The following AP4E1 variants were observed in gnomAD, a reference collection of about 807,000 sequenced individuals.
The protein encoded by AP4E1 is adaptor related protein complex 4 subunit epsilon 1.
In AP4E1, 56 loss-of-function variants were observed where a neutral mutation model predicts 128.2. The ratio of observed to expected loss-of-function variants is 0.44; its 90% CI spans 0.35 to 0.55. The LOEUF is 0.55. Ranked by LOEUF, AP4E1 falls within the 20% of genes least tolerant of loss-of-function variation. The pLI, the probability that AP4E1 is intolerant of heterozygous loss-of-function variation, is 0.00. For synonymous variants in AP4E1, 484 were observed against 473.1 expected (o/e 1.02, Z -0.30); for missense variants, 1,324 against 1,307.7 (o/e 1.01, Z -0.19).
chr15:50,925,311 G>A, intron 5 of AP4E1, 92 bp downstream of exon 5: 1 of 1,339,240 alleles, frequency 7.5e-7, no homozygotes, highest in Admixed American at 1.9e-5. Flanking sequence ...AGTGCTACCA[G>A]GATAGAGATT....
chr15:50,933,138 C>T (rs1425136524), intron 7 of AP4E1, among the ~76,000 whole-genome samples: 3 of 152,056 alleles, frequency 2.0e-5, no homozygotes, highest in East Asian at 1.9e-4. Flanking sequence ...GTAAGCTAGT[C>T]CTTACCTTCA....
Position 50,989,817 on chromosome 15 carries a change from G to C in AP4E1, c.2091-3553G>C, listed in dbSNP as rs371815686. Among the ~76,000 whole-genome samples the C allele has an allele frequency of 3.3e-5, 5 of 152,194 alleles. No homozygotes were observed. In the East Asian group the frequency reaches 7.7e-4, roughly 23 times the overall value. The stretch of plus-strand genomic sequence containing the variant: ...CAGAGAAATGACATTTGGCAAAACT[G>C]CTAAGGAATTATATAATATATCCTG... On this transcript the variant is annotated intron_variant, in intron 16 of 20. Coordinates refer to ENST00000261842, the MANE Select transcript of AP4E1 (RefSeq NM_007347.5).
intron 15 of AP4E1, among the ~76,000 whole-genome samples, chr15:50,983,182 G>A (rs576605099): frequency 6.6e-6 from 1 of 152,210 alleles, no homozygotes; most frequent in Admixed American, 6.5e-5. Flanking sequence ...AAAAACCCAA[G>A]TTTCACCTTT....
At chr15:50,976,097 C>CA (rs34632792) in intron 15 of AP4E1, among the ~76,000 whole-genome samples, 29,579 of 151,212 alleles carry the variant, frequency 0.2, 2,880 homozygotes, top group South Asian at 0.23. Context: ...AGAGCCACCA[C>CA]AAAAAAAAGA....
At position 50,930,827 on chromosome 15, in the gene AP4E1, A is replaced by T. The variant is rs1363722969; in HGVS notation, c.725A>T (p.Asp242Val). Reference protein sequence around the residue: ...MIKENSSGYKDLTGSFVTILK... With the variant: ...MIKENSSGYKVLTGSFVTILK... ...TAGGAGAATTCATCTGGATATAAAG[A>T]CTTGACTGGGAGTTTTGTAACCATT... is the stretch of plus-strand genomic sequence containing the variant. The change falls in exon 7 of 21, where the codon GAC becomes GTC. Residue 242 changes from aspartate (D) to valine (V), a missense_variant. Coordinates refer to ENST00000261842, the MANE Select transcript of AP4E1 (RefSeq NM_007347.5). The T allele has an allele frequency of 6.2e-7, 1 of 1,614,150 alleles. No individual in the cohort carries two copies. The highest frequency in any genetic ancestry group is 1.1e-5 in the South Asian group (1 of 91,076).
chr15:50,967,454 G>T (rs960064012), intron 14 of AP4E1, among the ~76,000 whole-genome samples: 4 of 152,210 alleles, frequency 2.6e-5, no homozygotes, highest in Non-Finnish European at 5.9e-5. Context: ...AGGAATGTTG[G>T]CAGTCTCTAA....
In AP4E1 at chr15:50,958,567, A is replaced by T. The variant is rs542940704; in HGVS notation, c.1624A>T (p.Met542Leu). ...TATAGCTAAGCTCTACAAGTTACTT[A>T]TGAATGACTCTGTGTCTTCAGAAAC... Reference protein sequence around the residue: ...EVIAKLYKLLMNDSVSSETKA... With the variant: ...EVIAKLYKLLLNDSVSSETKA... The change falls in exon 14 of 21, where the codon ATG becomes TTG. Residue 542 changes from methionine (M) to leucine (L), a missense_variant. Coordinates refer to ENST00000261842, the MANE Select transcript of AP4E1 (RefSeq NM_007347.5). The T allele has an allele frequency of 3.7e-6, 6 of 1,614,002 alleles. No individual in the cohort carries two copies. In the African/African-American group the frequency reaches 6.7e-5, roughly 18 times the overall value.
chr15:50,923,537 G>GT (rs149905807), intron 3 of AP4E1, among the ~76,000 whole-genome samples: 72 of 151,886 alleles, frequency 4.7e-4, no homozygotes, highest in Middle Eastern at 6.8e-3. Flanking sequence ...AGTGATTAGG[G>GT]TTTTTTTTAT....
intron 10 of AP4E1, chr15:50,945,210 C>G: frequency 1.2e-6 from 1 of 816,848 alleles, no homozygotes; most frequent in Non-Finnish European, 2.2e-6. Context: ...TTGGGATGAA[C>G]AAAGAACTAA....
chr15:50,985,139 A>G (rs1401230678), intron 16 of AP4E1, among the ~76,000 whole-genome samples: 2 of 151,724 alleles, frequency 1.3e-5, no homozygotes, highest in African/African-American at 4.8e-5. Flanking sequence ...TCCTTCACCC[A>G]CTTTTTGATG....
At chr15:50,978,698 T>A (rs1339258873) in intron 15 of AP4E1, among the ~76,000 whole-genome samples, 1 of 152,218 alleles carries the variant, frequency 6.6e-6, no homozygotes, top group African/African-American at 2.4e-5. Context: ...TCATTCTTCA[T>A]CTGGCTAAAT....
At chr15:50,947,521 A>C (rs1173118229) in intron 10 of AP4E1, among the ~76,000 whole-genome samples, 1 of 152,160 alleles carries the variant, frequency 6.6e-6, no homozygotes, top group African/African-American at 2.4e-5. Context: ...GTCCATCCAA[A>C]CAAAACCTGA....
chr15:50,950,325 TG>T (rs1221348061), intron 13 of AP4E1, among the ~76,000 whole-genome samples, 156 bp downstream of exon 13: 2 of 152,238 alleles, frequency 1.3e-5, no homozygotes, highest in African/African-American at 4.8e-5. Context: ...CTATTTACTT[TG>T]TTTTTTCTCT....
In AP4E1 at chr15:50,925,234, T is replaced by A. The variant is rs748477356; in HGVS notation, c.542+15T>A. 6.8e-6 allele frequency: 11 copies of A among 1,610,168 alleles called. No individual in the cohort carries two copies. In the Admixed American group the frequency reaches 1.8e-4, roughly 27 times the overall value. ...CAACATTCTAAGTAAGTAAATTCTT[T>A]TGGGATAGGCATCTATGCCATATAT... On this transcript the variant is annotated intron_variant, in intron 5 of 20. Transcript: ENST00000261842.
At chr15:50,968,468 T>G (rs1342816894) in intron 15 of AP4E1, 91 bp downstream of exon 15, 1 of 942,692 alleles carries the variant, frequency 1.1e-6, no homozygotes, top group Non-Finnish European at 1.6e-6. Flanking sequence ...AGATATTTAC[T>G]TTCTATTATT....
Position 51,002,893 on chromosome 15 carries a change from C to G in AP4E1, c.*231C>G. ...TAGGTCCCTCAAAAAGTGACCTAAG[C>G]TAATGTTATAAACTGCTAATGATTT... On this transcript the variant is annotated 3_prime_UTR_variant, in exon 21 of 21. Coordinates refer to ENST00000261842, the MANE Select transcript of AP4E1 (RefSeq NM_007347.5). The G allele has an allele frequency of 1.9e-6, 1 of 513,004 alleles. No individual in the cohort carries two copies. The highest frequency in any genetic ancestry group is 3.7e-5 in the East Asian group (1 of 27,202). The allele number at this position is 513,004 out of a possible 1,614,324, so 31.8% of individuals were successfully genotyped here. A position where few individuals can be genotyped will look rare whatever the true frequency, so the allele number is the denominator to read the frequency against.
intron 11 of AP4E1, among the ~76,000 whole-genome samples, chr15:50,949,097 G>C (rs899654791): frequency 6.6e-6 from 1 of 152,038 alleles, no homozygotes; most frequent in African/African-American, 2.4e-5. Flanking sequence ...CTGGCCAGCA[G>C]AATGATAGAA....
rs377092527 is a variant in AP4E1, at chr15:50,996,092, A to G, written c.2347-1234A>G. Among the ~76,000 whole-genome samples the G allele has an allele frequency of 6.1e-5, 9 of 148,286 alleles. No individual in the cohort carries two copies. In the East Asian group the frequency reaches 1.2e-3, roughly 20 times the overall value. On this transcript the variant is annotated intron_variant, in intron 17 of 20. Transcript: ENST00000261842. Reference sequence around the variant, plus strand: ...CAACCTCTGCCTCCCAAGTTCAAGCAATTCTCCTGCCTCAGTCTCCCGAGT... The same window carrying G: ...CAACCTCTGCCTCCCAAGTTCAAGCGATTCTCCTGCCTCAGTCTCCCGAGT...
chr15:50,950,747 C>G (rs1323781514), intron 13 of AP4E1, among the ~76,000 whole-genome samples: 1 of 152,112 alleles, frequency 6.6e-6, no homozygotes, highest in Non-Finnish European at 1.5e-5. Flanking sequence ...TACACAATAG[C>G]TCTTCTTCCT....
Sources: allele counts gnomAD v4.1 joint callset (sites outside exome capture counted in the v4.1 genomes callset), GRCh38; gene constraint gnomAD v4.1.1; transcripts MANE v1.5; gene names NCBI Gene and HGNC (gene_info 2026-07-23, HGNC 2026-07-21).